NEK1: variants seen among roughly 807,000 people sequenced by gnomAD.
NEK1 encodes serine/threonine-protein kinase Nek1.
In NEK1, 137 loss-of-function variants were observed where a neutral mutation model predicts 182.1. That is an observed-to-expected ratio of 0.75 (90% CI 0.65 to 0.87). NEK1 has a LOEUF of 0.87. NEK1 is among the 40% of genes least tolerant of loss of function. NEK1 has a pLI of 0.00. For synonymous variants in NEK1, 513 were observed against 492.2 expected, an observed-to-expected ratio of 1.04 and a Z score of -0.56; for missense variants, 1,391 against 1,494.4, an observed-to-expected ratio of 0.93 and a Z score of 1.14.
chr4:169,508,392 T>C (rs1366795887), intron 20 of NEK1, 61 bp from the exon 21 acceptor site: 2 of 1,344,124 alleles, frequency 1.5e-6, no homozygotes, highest in Admixed American at 3.1e-5. Context: ...ACATTTTTAC[T>C]GCTAGATTTT....
At chr4:169,483,361 A>T (rs1748447773) in intron 23 of NEK1, among the ~76,000 whole-genome samples, 1 of 152,230 alleles carries the variant, frequency 6.6e-6, no homozygotes, top group African/African-American at 2.4e-5. Context: ...TGACACAAAG[A>T]CACAAAATGA....
At chr4:169,576,036 C>T (rs1185842282) in intron 12 of NEK1, among the ~76,000 whole-genome samples, 2 of 151,716 alleles carry the variant, frequency 1.3e-5, no homozygotes, top group Non-Finnish European at 2.9e-5. Flanking sequence ...CACTCTTTGG[C>T]TCACTGCAAC....
intron 19 of NEK1, among the ~76,000 whole-genome samples, chr4:169,513,677 T>C (rs1360164059): frequency 6.6e-6 from 1 of 152,222 alleles, no homozygotes; most frequent in African/African-American, 2.4e-5. Flanking sequence ...CTTCTACCTG[T>C]ATAATATTAG....
intron 16 of NEK1, among the ~76,000 whole-genome samples, chr4:169,557,753 C>T (rs760864990): frequency 6.6e-6 from 1 of 151,806 alleles, no homozygotes; most frequent in African/African-American, 2.4e-5. Context: ...GGCAAATTGG[C>T]GAAACAACAT....
chr4:169,518,299 G>T (rs1483135255), intron 19 of NEK1, among the ~76,000 whole-genome samples: 1 of 48,518 alleles, frequency 2.1e-5, no homozygotes, highest in Non-Finnish European at 3.5e-5. Flanking sequence ...GCGTAGAGGT[G>T]TTTGTAGTAT....
intron 12 of NEK1, among the ~76,000 whole-genome samples, chr4:169,569,538 C>T (rs28627191): frequency 0.088 from 13,190 of 150,082 alleles, 751 homozygotes; most frequent in African/African-American, 0.16. Context: ...CCCTCTGATG[C>T]CGAGCCGAAG....
intron 23 of NEK1, among the ~76,000 whole-genome samples, chr4:169,492,399 T>C (rs1451681065): frequency 6.6e-6 from 1 of 152,198 alleles, no homozygotes; most frequent in African/African-American, 2.4e-5. Flanking sequence ...GTCTGGTTGA[T>C]AGCGACCGCT....
chr4:169,435,456 T>C (rs1011099895), intron 28 of NEK1, among the ~76,000 whole-genome samples: 3 of 152,186 alleles, frequency 2.0e-5, no homozygotes, highest in Non-Finnish European at 2.9e-5. Flanking sequence ...AATAAGATTA[T>C]TTAAGTTACT....
chr4:169,586,938 T>G (rs1018870194), intron 9 of NEK1, among the ~76,000 whole-genome samples: 4 of 152,054 alleles, frequency 2.6e-5, no homozygotes, highest in African/African-American at 4.8e-5. Flanking sequence ...ATTTATATTT[T>G]CTGAAGTTTT....
At chr4:169,542,758 CT>C (rs58369712) in intron 18 of NEK1, among the ~76,000 whole-genome samples, 18,074 of 147,348 alleles carry the variant, frequency 0.12, 1,189 homozygotes, top group East Asian at 0.17. Flanking sequence ...TGATGAAGAG[CT>C]TTTTTTTTTT....
At position 169,567,868 on chromosome 4, in the gene NEK1, A is replaced by G. The variant is rs569070374; in HGVS notation, c.1021-5672T>C. Among the ~76,000 whole-genome samples, 4 of 152,216 alleles carry G rather than the reference A, an allele frequency of 2.6e-5. No homozygotes were observed. In the South Asian group the frequency reaches 8.3e-4, roughly 31 times the overall value. ...CTGAATCATTTGCCTATGATTCAGA[A>G]TATTTGATAGTAGAGATATTATTCA... is the stretch of plus-strand genomic sequence containing the variant. On this transcript the variant is annotated intron_variant, in intron 12 of 35. Transcript: ENST00000507142.
At chr4:169,483,963 T>C (rs1748591517) in intron 23 of NEK1, among the ~76,000 whole-genome samples, 1 of 152,158 alleles carries the variant, frequency 6.6e-6, no homozygotes, top group Non-Finnish European at 1.5e-5. Context: ...TCTAAATATT[T>C]TGAAACTTTG....
At chr4:169,450,173 A>T (rs1741430499) in intron 27 of NEK1, among the ~76,000 whole-genome samples, 1 of 151,978 alleles carries the variant, frequency 6.6e-6, no homozygotes, top group Admixed American at 6.6e-5. Context: ...GAAATATGAC[A>T]CTATGTGAAA....
chr4:169,612,401 G>C lies in NEK1; in HGVS notation c.-352C>G, dbSNP rs995941901. 1.3e-5 allele frequency: 2 copies of C among 152,268 alleles called. No individual in the cohort carries two copies. The highest frequency in any genetic ancestry group is 4.8e-5 in the African/African-American group (2 of 41,428). 9.4% of individuals were successfully genotyped at this position (152,268 alleles called of 1,614,324 possible). ...CCGCCTCTCCAACTTCACAGAGGTC[G>C]TTGCTAGTGGCCACGGCGGGGTGGG... On this transcript the variant is annotated 5_prime_UTR_variant, in exon 1 of 36. Transcript: ENST00000507142.
chr4:169,401,806 C>T lies in NEK1; in HGVS notation c.3429G>A (p.Gln1143=). 2 of 1,613,824 alleles carry T rather than the reference C, an allele frequency of 1.2e-6. No individual in the cohort carries two copies. Among genetic ancestry groups the T allele is most frequent in the Non-Finnish European group, 8.5e-7 (1 of 1,179,780 alleles). The change falls in exon 33 of 36, where the codon CAG becomes CAA. Residue 1143 remains glutamine, a synonymous_variant. Transcript: ENST00000507142. ...DLQELQASME[Q]LLREQPGEEY... is the part of the protein sequence containing the mutation. ...CTTCACCAGGTTGTTCCCTAAGTAA[C>T]TGTTCCATCGAGGCCTGCAGCTCTT...
chr4:169,580,867 C>G lies in NEK1; in HGVS notation c.843G>C (p.Ser281=). Residue 281 remains serine, a synonymous_variant, in exon 11 of 36, where the codon TCG becomes TCC. Transcript: ENST00000507142. ...IAEEFCLKTF[S]KFGSQPIPAK... Reference sequence around the variant, plus strand: ...CTGGTATAGGCTGTGATCCAAACTTCGAAAATGTTTTTAGACAAAATTCTT... The same window carrying G: ...CTGGTATAGGCTGTGATCCAAACTTGGAAAATGTTTTTAGACAAAATTCTT... 1 of 1,530,630 alleles carries G rather than the reference C, an allele frequency of 6.5e-7. No homozygotes were observed. The highest frequency in any genetic ancestry group is 1.4e-5 in the African/African-American group (1 of 72,192). 94.8% of individuals were successfully genotyped at this position (1,530,630 alleles called of 1,614,324 possible).
chr4:169,403,097 A>T (rs941868091), intron 32 of NEK1, among the ~76,000 whole-genome samples: 4 of 152,206 alleles, frequency 2.6e-5, no homozygotes, highest in African/African-American at 9.6e-5. Flanking sequence ...AATTTCCATT[A>T]ATAGAGTAAA....
intron 23 of NEK1, among the ~76,000 whole-genome samples, chr4:169,491,947 T>C (rs142046868): frequency 1.9e-3 from 288 of 152,318 alleles, no homozygotes; most frequent in African/African-American, 6.8e-3. Flanking sequence ...ATTATTACTA[T>C]AAGATGCTTT....
Position 169,438,379 on chromosome 4 carries a change from C to T in NEK1, c.2588-120G>A. The T allele has an allele frequency of 4.4e-6, 3 of 680,216 alleles. No homozygotes were observed. In the South Asian group the frequency reaches 6.5e-5, roughly 15 times the overall value. 42.1% of individuals were successfully genotyped at this position (680,216 alleles called of 1,614,324 possible). A position where few individuals can be genotyped will look rare whatever the true frequency, so the allele number is the denominator to read the frequency against. Reference sequence around the variant, plus strand: ...CTGCAACAGGCAATTACTAGTTAAGCTCTGTTACATATTAGAAGTTAATAA... The same window carrying T: ...CTGCAACAGGCAATTACTAGTTAAGTTCTGTTACATATTAGAAGTTAATAA... On this transcript the variant is annotated intron_variant, in intron 27 of 35. Coordinates refer to ENST00000507142, the MANE Select transcript of NEK1 (RefSeq NM_001199397.3).
Sources: allele counts gnomAD v4.1 joint callset (sites outside exome capture counted in the v4.1 genomes callset), GRCh38; gene constraint gnomAD v4.1.1; transcripts MANE v1.5; gene names NCBI Gene and HGNC (gene_info 2026-07-23, HGNC 2026-07-21).